FOXO1: variants seen among roughly 807,000 people sequenced by gnomAD.
FOXO1 encodes the protein forkhead box O1.
Under a neutral mutation model 44.1 loss-of-function variants are expected in FOXO1, and 6 were observed. The observed-to-expected ratio is 0.14, with a 90% CI of 0.07 to 0.27. The LOEUF (loss-of-function observed/expected upper bound fraction) is 0.27, where lower values mean the gene tolerates loss of function less well. FOXO1 is among the 10% of genes least tolerant of loss of function. FOXO1 has a pLI of 1.00. For missense variants in FOXO1, 737 were observed against 888.8 expected (o/e 0.83, Z 2.17); for synonymous variants, 380 against 362.7 (o/e 1.05, Z -0.54).
chr13:40,625,513 C>T (rs1354761696), intron 1 of FOXO1, among the ~76,000 whole-genome samples: 9 of 151,998 alleles, frequency 5.9e-5, no homozygotes, highest in Admixed American at 5.2e-4. Flanking sequence ...GTATGTGGCC[C>T]GGTAGAAAAT....
At chr13:40,562,059 G>A (rs1306460110) in intron 1 of FOXO1, among the ~76,000 whole-genome samples, 7 of 151,842 alleles carry the variant, frequency 4.6e-5, no homozygotes, top group Admixed American at 2.6e-4. Context: ...GCAAATACAA[G>A]TGAATGTAAG....
intron 1 of FOXO1, among the ~76,000 whole-genome samples, chr13:40,629,330 T>TG (rs1876888840): frequency 6.6e-6 from 1 of 152,072 alleles, no homozygotes; most frequent in Non-Finnish European, 1.5e-5. Flanking sequence ...TTAGTAGAGA[T>TG]GGGGTTTCTC....
At chr13:40,574,318 T>C (rs1450708550) in intron 1 of FOXO1, among the ~76,000 whole-genome samples, 1 of 152,162 alleles carries the variant, frequency 6.6e-6, no homozygotes, top group Admixed American at 6.5e-5. Context: ...AGGGCGTGTA[T>C]GTCTGTGTCC....
chr13:40,651,102 T>TTG lies in FOXO1; in HGVS notation c.630+14480_630+14481insCA, dbSNP rs1443426127. Among the ~76,000 whole-genome samples, 84 of 151,464 alleles carry TTG rather than the reference T, an allele frequency of 5.5e-4. 2 individuals are homozygous for TTG. The South Asian group carries it at 0.014, about 25-fold the overall frequency. ...TTTTTTGGTTTTTTGTTTTTTGTTTTTTGTTTTTGTTTTTTTTTAAGAAAC... is the reference window on the plus strand; with the variant it reads ...TTTTTTGGTTTTTTGTTTTTTGTTTTTGTTGTTTTTGTTTTTTTTTAAGAAAC... On this transcript the variant is annotated intron_variant, in intron 1 of 2. Transcript: ENST00000379561.
At position 40,560,905 on chromosome 13, in the gene FOXO1, T is replaced by A. The variant is rs1290740560; in HGVS notation, c.631-45A>T. The A allele has an allele frequency of 1.3e-6, 2 of 1,529,592 alleles. No homozygotes were observed. The highest frequency in any genetic ancestry group is 1.8e-6 in the Non-Finnish European group (2 of 1,141,742). The allele number at this position is 1,529,592 out of a possible 1,614,324, so 94.8% of individuals were successfully genotyped here. A position where few individuals can be genotyped will look rare whatever the true frequency, so the allele number is the denominator to read the frequency against. ...ATTAGAAGTACAATACTTCTCTGCT[T>A]GCAAAACTTCCTATTCTACATGTAT... On this transcript the variant is annotated intron_variant, in intron 1 of 2. Coordinates refer to ENST00000379561, the MANE Select transcript of FOXO1 (RefSeq NM_002015.4). This position sits in a 1 kb window ranked among gnomAD's most constrained non-coding sequence, Gnocchi z 5.1.
chr13:40,630,607 A>G (rs888352053), intron 1 of FOXO1, among the ~76,000 whole-genome samples: 1 of 151,902 alleles, frequency 6.6e-6, no homozygotes, highest in African/African-American at 2.4e-5. Flanking sequence ...GTGGGCCGAG[A>G]TCGCGCCACT....
intron 1 of FOXO1, among the ~76,000 whole-genome samples, chr13:40,562,374 T>C (rs1331387457): frequency 6.6e-6 from 1 of 152,198 alleles, no homozygotes; most frequent in African/African-American, 2.4e-5. Context: ...ACCAACAATC[T>C]TTCTTTTGAG....
At chr13:40,577,122 G>T (rs1237578730) in intron 1 of FOXO1, among the ~76,000 whole-genome samples, 1 of 152,172 alleles carries the variant, frequency 6.6e-6, no homozygotes, top group African/African-American at 2.4e-5. Flanking sequence ...GCAGGGGCAT[G>T]AGGATAAGCT....
intron 1 of FOXO1, among the ~76,000 whole-genome samples, chr13:40,629,389 G>A (rs1478376813): frequency 2.0e-5 from 3 of 152,166 alleles, no homozygotes; most frequent in East Asian, 1.9e-4. Context: ...TGATCTGCCC[G>A]CCTCGGCCTC....
In FOXO1 at chr13:40,577,665, C is replaced by T. The variant is rs141296053; in HGVS notation, c.631-16805G>A. ...CCTACTAGGATCATTTTATTCTCCTCACCAGCCCAAACTAAGTAAACTAAT... is the reference window on the plus strand; with the variant it reads ...CCTACTAGGATCATTTTATTCTCCTTACCAGCCCAAACTAAGTAAACTAAT... On this transcript the variant is annotated intron_variant, in intron 1 of 2. Coordinates refer to ENST00000379561, the MANE Select transcript of FOXO1 (RefSeq NM_002015.4). Among the ~76,000 whole-genome samples, 120 of 152,306 alleles carry T rather than the reference C, an allele frequency of 7.9e-4. 1 individual carries two copies. The highest frequency in any genetic ancestry group is 2.4e-3 in the African/African-American group (101 of 41,578).
chr13:40,562,195 A>C (rs1269933316), intron 1 of FOXO1, among the ~76,000 whole-genome samples: 1 of 152,164 alleles, frequency 6.6e-6, no homozygotes, highest in Non-Finnish European at 1.5e-5. Flanking sequence ...GGATGCACCA[A>C]CTAACTCCAT....
intron 1 of FOXO1, among the ~76,000 whole-genome samples, chr13:40,623,323 C>T (rs1876680297): frequency 6.6e-6 from 1 of 151,722 alleles, no homozygotes; most frequent in Admixed American, 6.6e-5. Flanking sequence ...ATTACTGTTG[C>T]TGACTATTAT....
Position 40,559,359 on chromosome 13 carries a change from C to T in FOXO1, c.*14+150G>A, listed in dbSNP as rs568695333. ...AGCTCAGAAGGAAAACTGTAAGCTG[C>T]AAAAAGGACAGAGAATGAATGATAA... On this transcript the variant is annotated intron_variant, in intron 2 of 2. Coordinates refer to ENST00000379561, the MANE Select transcript of FOXO1 (RefSeq NM_002015.4). The T allele has an allele frequency of 1.2e-5, 8 of 678,906 alleles. No homozygotes were observed. In the Admixed American group the frequency reaches 2.8e-4, roughly 24 times the overall value. The allele number at this position is 678,906 out of a possible 1,614,324, so 42.1% of individuals were successfully genotyped here. A position where few individuals can be genotyped will look rare whatever the true frequency, so the allele number is the denominator to read the frequency against.
intron 1 of FOXO1, among the ~76,000 whole-genome samples, chr13:40,653,367 T>A (rs553190322): frequency 3.9e-5 from 6 of 152,288 alleles, no homozygotes; most frequent in Admixed American, 1.3e-4. Flanking sequence ...GTGCTGGGGA[T>A]TCCTCACTCA....
chr13:40,614,685 T>C (rs1876358352), intron 1 of FOXO1, among the ~76,000 whole-genome samples: 1 of 152,172 alleles, frequency 6.6e-6, no homozygotes, highest in Admixed American at 6.5e-5. Flanking sequence ...CCTCGGCCTC[T>C]GAAACACTTA....
intron 1 of FOXO1, among the ~76,000 whole-genome samples, chr13:40,592,610 TTGTCTTGAA>T (rs1875424004): frequency 6.6e-6 from 1 of 152,238 alleles, no homozygotes; most frequent in Admixed American, 6.5e-5. Context: ...CAGGTTAACC[TTGTCTTGAA>T]TGTAAGCTCC....
At chr13:40,645,446 T>G (rs183162746) in intron 1 of FOXO1, among the ~76,000 whole-genome samples, 251 of 152,324 alleles carry the variant, frequency 1.6e-3, no homozygotes, top group Non-Finnish European at 2.1e-3. Flanking sequence ...TAAGGTGACT[T>G]GCATCATGTT....
intron 1 of FOXO1, among the ~76,000 whole-genome samples, chr13:40,585,023 A>C (rs776703583): frequency 1.5e-4 from 23 of 152,234 alleles, no homozygotes; most frequent in Non-Finnish European, 2.6e-4. Flanking sequence ...ATGAAGTCCC[A>C]GAATATTCTT....
In FOXO1 at chr13:40,560,576, A is replaced by G. The variant is rs755451577; in HGVS notation, c.915T>C (p.Asp305=). Residue 305 remains aspartate (D), a synonymous_variant, in exon 2 of 3, where the codon GAT becomes GAC. Coordinates refer to ENST00000379561, the MANE Select transcript of FOXO1 (RefSeq NM_002015.4). This position sits in a 1 kb window ranked among gnomAD's most constrained non-coding sequence, Gnocchi z 5.1. ...GAAATGTACTCCAGTTATCAAAGTCATCATTGCTGTGAGAGCCAGGGCTTG... is the reference window on the plus strand; with the variant it reads ...GAAATGTACTCCAGTTATCAAAGTCGTCATTGCTGTGAGAGCCAGGGCTTG... The part of the protein sequence containing the change: ...WPASPGSHSN[D]DFDNWSTFRP... The G allele has an allele frequency of 1.1e-5, 17 of 1,614,084 alleles. No homozygotes were observed. The East Asian group carries it at 3.8e-4, about 36-fold the overall frequency.
Sources: allele counts gnomAD v4.1 joint callset (sites outside exome capture counted in the v4.1 genomes callset), GRCh38; gene constraint gnomAD v4.1.1; non-coding constraint Gnocchi (gnomAD v3.1); transcripts MANE v1.5; gene names NCBI Gene and HGNC (gene_info 2026-07-23, HGNC 2026-07-21).